Variants in MYOM1 observed in about 807,000 individuals in gnomAD.
The protein encoded by MYOM1 is myomesin 1, also known as myomesin-1.
MYOM1 carries 164 observed loss-of-function variants against 205.3 expected under a neutral mutation model. The observed-to-expected ratio is 0.80, with a 90% CI of 0.70 to 0.91. The LOEUF (loss-of-function observed/expected upper bound fraction) is 0.91, where lower values mean the gene tolerates loss of function less well. Among genes scored for constraint, MYOM1 ranks in the 40% least tolerant of loss-of-function variants. The probability of loss-of-function intolerance (pLI) is 0.00; values close to 1 mark genes in which losing one functional copy is unlikely to be tolerated. For synonymous variants in MYOM1, 772 were observed against 789.4 expected (o/e 0.98, Z 0.37); for missense variants, 2,011 against 2,127.3 (o/e 0.95, Z 1.08).
intron 23 of MYOM1, 45 bp downstream of exon 23, chr18:3,102,429 T>C (rs1394250358): frequency 3.2e-6 from 5 of 1,547,000 alleles, no homozygotes; most frequent in Non-Finnish European, 4.4e-6. Context: ...CTCATTCTCC[T>C]ACAGTGAAAA....
At chr18:3,184,043 T>C (rs1263787606) in intron 5 of MYOM1, among the ~76,000 whole-genome samples, 2 of 152,004 alleles carry the variant, frequency 1.3e-5, no homozygotes, top group Admixed American at 1.3e-4. Flanking sequence ...GTAGCTGGGA[T>C]TACAGGTATG....
At chr18:3,092,210 T>C (rs549042695) in intron 26 of MYOM1, among the ~76,000 whole-genome samples, 1 of 151,126 alleles carries the variant, frequency 6.6e-6, no homozygotes, top group African/African-American at 2.4e-5. Flanking sequence ...TACTCTCTCT[T>C]TTTAGAGATA....
chr18:3,082,215 G>A (rs1186921646), intron 33 of MYOM1, among the ~76,000 whole-genome samples: 1 of 152,140 alleles, frequency 6.6e-6, no homozygotes, highest in Admixed American at 6.5e-5. Flanking sequence ...CTCCTAGTAG[G>A]CCACGGACTG....
chr18:3,214,092 T>C (rs997637728), intron 2 of MYOM1, among the ~76,000 whole-genome samples: 1 of 152,244 alleles, frequency 6.6e-6, no homozygotes. Flanking sequence ...GCCATGTTTT[T>C]ATCAAATGGT....
intron 19 of MYOM1, among the ~76,000 whole-genome samples, chr18:3,123,628 T>A (rs1226796702): frequency 6.6e-6 from 1 of 151,738 alleles, no homozygotes; most frequent in Admixed American, 6.6e-5. Context: ...GAATGTAAGT[T>A]TTTTTATTGT....
At chr18:3,136,710 T>C (rs1367835867) in intron 14 of MYOM1, among the ~76,000 whole-genome samples, 3 of 152,230 alleles carry the variant, frequency 2.0e-5, no homozygotes, top group African/African-American at 7.2e-5. Flanking sequence ...CCACTGCACC[T>C]GGCCTGCCCA....
chr18:3,082,744 C>T (rs2079098676), intron 33 of MYOM1, among the ~76,000 whole-genome samples: 1 of 152,074 alleles, frequency 6.6e-6, no homozygotes, highest in Non-Finnish European at 1.5e-5. Flanking sequence ...AAATGGGAGG[C>T]CTGGTTTGAT....
intron 1 of MYOM1, among the ~76,000 whole-genome samples, chr18:3,216,229 T>A (rs919388202): frequency 2.0e-5 from 3 of 152,196 alleles, no homozygotes; most frequent in Non-Finnish European, 4.4e-5. Context: ...GTTGCGCCAC[T>A]GCACTCCATA....
rs1455770385 is a variant in MYOM1 at position 3,215,161 on chromosome 18, G to T, written c.63C>A (p.Asp21Glu). The T allele has an allele frequency of 3.1e-6, 5 of 1,613,676 alleles. No individual in the cohort carries two copies. The highest frequency in any genetic ancestry group is 1.1e-5 in the South Asian group (1 of 90,954). The change falls in exon 2 of 38, where the codon GAC becomes GAA. Residue 21 changes from aspartate (D) to glutamate (E), a missense_variant. Coordinates refer to ENST00000356443, the MANE Select transcript of MYOM1 (RefSeq NM_003803.4). Reference sequence around the variant, plus strand: ...GGTAGTGACTCACGGTGCTGCGCACGTCCTTGTTGCGGTAGCTGAGATCAT... The same window carrying T: ...GGTAGTGACTCACGGTGCTGCGCACTTCCTTGTTGCGGTAGCTGAGATCAT... ...QHYDLSYRNK[D>E]VRSTVSHYQR...
chr18:3,116,677 C>T lies in MYOM1; in HGVS notation c.3119-162G>A, dbSNP rs527926415. ...TAAGTATTCTGTGGTCATTTCACAA[C>T]GTTTTCGTACTGCTCTACATTAGCC... On this transcript the variant is annotated intron_variant, in intron 20 of 37. Coordinates refer to ENST00000356443, the MANE Select transcript of MYOM1 (RefSeq NM_003803.4). 1.5e-4 allele frequency among the ~76,000 whole-genome samples: 23 copies of T among 152,240 alleles called. No homozygotes were observed. The South Asian group carries it at 1.9e-3, about 12-fold the overall frequency.
chr18:3,117,141 G>A lies in MYOM1; in HGVS notation c.3119-626C>T, dbSNP rs151231373. ...CAAAGTGTTGGGATTACAGGTGGGA[G>A]CCACCATATCTGGCACCCAGTTTCA... On this transcript the variant is annotated intron_variant, in intron 20 of 37. Coordinates refer to ENST00000356443, the MANE Select transcript of MYOM1 (RefSeq NM_003803.4). 4.1e-3 allele frequency among the ~76,000 whole-genome samples: 632 copies of A among 152,308 alleles called. 5 individuals carry two copies. The highest frequency in any genetic ancestry group is 0.014 in the African/African-American group (602 of 41,582).
chr18:3,101,543 C>T (rs899479735), intron 23 of MYOM1, among the ~76,000 whole-genome samples: 14 of 152,140 alleles, frequency 9.2e-5, no homozygotes, highest in South Asian at 4.1e-4. Context: ...GCCTAGAGCT[C>T]GTTCATCTTA....
intron 5 of MYOM1, among the ~76,000 whole-genome samples, chr18:3,184,728 C>T (rs1382055240): frequency 6.6e-6 from 1 of 152,210 alleles, no homozygotes; most frequent in Non-Finnish European, 1.5e-5. Flanking sequence ...GTCTGTCCCT[C>T]GTGGGAGAAT....
At chr18:3,240,393 T>C in the MYOM1 span, among the ~76,000 whole-genome samples, 4 of 152,150 alleles carry the variant, frequency 2.6e-5, no homozygotes, top group African/African-American at 7.2e-5. Flanking sequence ...GGCAGGTCTT[T>C]CCCGTGCTGT....
At chr18:3,186,973 AAAGAAG>A (rs1266965702) in intron 5 of MYOM1, among the ~76,000 whole-genome samples, 1 of 151,230 alleles carries the variant, frequency 6.6e-6, no homozygotes, top group African/African-American at 2.5e-5. Context: ...AAAAGAAAAG[AAAGAAG>A]AAAGAAAAAA....
chr18:3,227,718 C>T, the MYOM1 span, among the ~76,000 whole-genome samples: 1 of 152,056 alleles, frequency 6.6e-6, no homozygotes, highest in African/African-American at 2.4e-5. Flanking sequence ...ACTTGGGAGG[C>T]TGAGGCAGGA....
intron 11 of MYOM1, 48 bp downstream of exon 11, chr18:3,154,899 C>T: frequency 1.9e-6 from 3 of 1,572,086 alleles, no homozygotes; most frequent in Non-Finnish European, 2.6e-6. Context: ...ATCAAGCACG[C>T]ATCTCTATGA....
intron 7 of MYOM1, 52 bp downstream of exon 7, chr18:3,174,068 A>G: frequency 6.3e-7 from 1 of 1,594,414 alleles, no homozygotes; most frequent in Non-Finnish European, 8.5e-7. Context: ...CATGGGAAGA[A>G]ATTTTTAAAA....
chr18:3,174,026 T>C lies in MYOM1; in HGVS notation c.1112-26A>G, dbSNP rs757870568. On this transcript the variant is annotated intron_variant, in intron 7 of 37. Coordinates refer to ENST00000356443, the MANE Select transcript of MYOM1 (RefSeq NM_003803.4). The stretch of plus-strand genomic sequence containing the variant: ...CTAGAGAAGAAAACAGAAACGCATG[T>C]GAACTGCTTTGTGATCGATTTATTT... 4 of 1,610,114 alleles carry C rather than the reference T, an allele frequency of 2.5e-6. No individual in the cohort carries two copies. In the South Asian group the frequency reaches 4.4e-5, roughly 18 times the overall value.
Sources: allele counts gnomAD v4.1 joint callset (sites outside exome capture counted in the v4.1 genomes callset), GRCh38; gene constraint gnomAD v4.1.1; transcripts MANE v1.5; gene names NCBI Gene and HGNC (gene_info 2026-07-23, HGNC 2026-07-21).